Variants in MYO5A observed in about 807,000 individuals in gnomAD.
The protein encoded by MYO5A is myosin VA, also known as unconventional myosin-Va.
MYO5A carries 98 observed loss-of-function variants against 249.7 expected under a neutral mutation model. The ratio of observed to expected loss-of-function variants is 0.39; its 90% CI spans 0.33 to 0.46. MYO5A has a LOEUF of 0.46. MYO5A is among the 20% of genes least tolerant of loss of function. The pLI, the probability that MYO5A is intolerant of heterozygous loss-of-function variation, is 0.98. For missense variants in MYO5A, 1,696 were observed against 2,308.8 expected (o/e 0.73, Z 5.44); for synonymous variants, 778 against 810.6 (o/e 0.96, Z 0.68).
At chr15:52,517,517 T>C (rs1485173008) in intron 1 of MYO5A, among the ~76,000 whole-genome samples, 1 of 152,168 alleles carries the variant, frequency 6.6e-6, no homozygotes, top group Non-Finnish European at 1.5e-5. Flanking sequence ...AAATCCCGTC[T>C]CTACTAAAAG....
chr15:52,323,986 G>C, intron 36 of MYO5A: 1 of 98,926 alleles, frequency 1.0e-5, no homozygotes. Context: ...CCTAGAGACA[G>C]AACGAGACTC....
intron 1 of MYO5A, among the ~76,000 whole-genome samples, chr15:52,478,880 T>C (rs1033206002): frequency 2.0e-5 from 3 of 152,228 alleles, no homozygotes; most frequent in African/African-American, 7.2e-5. Flanking sequence ...AGTAAAACTG[T>C]AGTACTATGT....
At chr15:52,487,338 G>A (rs573971928) in intron 1 of MYO5A, among the ~76,000 whole-genome samples, 5 of 151,910 alleles carry the variant, frequency 3.3e-5, no homozygotes, top group African/African-American at 1.2e-4. Flanking sequence ...ATTGCTTGAG[G>A]ACAGGAGGTC....
chr15:52,384,062 C>T lies in MYO5A; in HGVS notation c.1914+99G>A, dbSNP rs1596382782. On this transcript the variant is annotated intron_variant, in intron 15 of 41. Transcript: ENST00000399233. ...CACAGTGAAAGCTCTAGGCTCTCCTCACCTGAGGATCCCACCTGGGAGGCT... is the reference window on the plus strand; with the variant it reads ...CACAGTGAAAGCTCTAGGCTCTCCTTACCTGAGGATCCCACCTGGGAGGCT... 4 of 1,465,622 alleles carry T rather than the reference C, an allele frequency of 2.7e-6. No homozygotes were observed. In the East Asian group the frequency reaches 9.1e-5, roughly 33 times the overall value. 90.8% of individuals were successfully genotyped at this position (1,465,622 alleles called of 1,614,324 possible). A position where few individuals can be genotyped will look rare whatever the true frequency, so the allele number is the denominator to read the frequency against.
intron 32 of MYO5A, 97 bp downstream of exon 32, chr15:52,340,099 T>G (rs577673509): frequency 1.5e-6 from 2 of 1,354,526 alleles, no homozygotes; most frequent in Admixed American, 3.8e-5. Context: ...GAGGGGTGAG[T>G]TTTTCCCAGC....
intron 10 of MYO5A, among the ~76,000 whole-genome samples, chr15:52,396,711 A>C (rs1053681375): frequency 6.6e-6 from 1 of 152,202 alleles, no homozygotes; most frequent in African/African-American, 2.4e-5. Flanking sequence ...GAATTATAAT[A>C]AAGCCATTGC....
In MYO5A at chr15:52,389,236, A is replaced by C; in HGVS notation, c.1668+2T>G. The C allele has an allele frequency of 1.9e-6, 3 of 1,612,792 alleles. No homozygotes were observed. The highest frequency in any genetic ancestry group is 2.5e-6 in the Non-Finnish European group (3 of 1,179,012). The stretch of plus-strand genomic sequence containing the variant: ...AGAAAAACTGATATAAAGCTTCCTT[A>C]CTTTGTCAGCAAAATGTTGGATGAT... On this transcript the variant is annotated splice_donor_variant, in intron 13 of 41. Coordinates refer to ENST00000399233, the MANE Select transcript of MYO5A (RefSeq NM_001382347.1). LOFTEE classifies it high-confidence loss of function.
rs550339097 is a variant in MYO5A, at chr15:52,528,867, C to A, written c.-61G>T. The A allele has an allele frequency of 3.9e-4, 558 of 1,414,630 alleles. 3 individuals are homozygous for A. In the African/African-American group the frequency reaches 7.7e-3, roughly 20 times the overall value. 87.6% of individuals were successfully genotyped at this position (1,414,630 alleles called of 1,614,324 possible). On this transcript the variant is annotated 5_prime_UTR_variant, in exon 1 of 42. Transcript: ENST00000399233. ...GGAGGCCGCACCTCGCCTGGGCGGC[C>A]GCCCGAGCGGACTAGGAAGCGCCCG...
intron 9 of MYO5A, among the ~76,000 whole-genome samples, chr15:52,398,141 A>T (rs1338885251): frequency 1.3e-5 from 2 of 152,228 alleles, no homozygotes; most frequent in African/African-American, 4.8e-5. Context: ...AGAAACAGAC[A>T]GAGGCTATAT....
chr15:52,388,733 C>T (rs1280430270), intron 13 of MYO5A, among the ~76,000 whole-genome samples: 1 of 152,108 alleles, frequency 6.6e-6, no homozygotes, highest in Non-Finnish European at 1.5e-5. Flanking sequence ...CAGAGGGTGA[C>T]ACAAGTCCAC....
intron 37 of MYO5A, among the ~76,000 whole-genome samples, chr15:52,322,765 C>T (rs1372799732): frequency 1.4e-5 from 2 of 144,506 alleles, no homozygotes; most frequent in African/African-American, 5.1e-5. Context: ...TTTGATCACC[C>T]TTTTTTTTTT....
At chr15:52,485,561 T>C (rs2076802953) in intron 1 of MYO5A, among the ~76,000 whole-genome samples, 1 of 152,070 alleles carries the variant, frequency 6.6e-6, no homozygotes, top group Non-Finnish European at 1.5e-5. Context: ...TAAAATGAAA[T>C]AAAAACATGA....
intron 22 of MYO5A, 130 bp from the exon 23 acceptor site, chr15:52,367,254 T>C: frequency 1.3e-6 from 1 of 799,708 alleles, no homozygotes. Flanking sequence ...CCTGGTTATG[T>C]CTAGTCACCT....
chr15:52,388,301 TG>T lies in MYO5A; in HGVS notation c.1669-390del, dbSNP rs200090395. Among the ~76,000 whole-genome samples the T allele has an allele frequency of 1.3e-4, 20 of 152,082 alleles. No individual in the cohort carries two copies. In the East Asian group the frequency reaches 3.7e-3, roughly 28 times the overall value. ...CTCTTAGAAGAGATTACAGCAGGAGTGAGAATCAGAAGGAACAAATGAGTGT... is the reference window on the plus strand; with the variant it reads ...CTCTTAGAAGAGATTACAGCAGGAGTAGAATCAGAAGGAACAAATGAGTGT... On this transcript the variant is annotated intron_variant, in intron 13 of 41. Coordinates refer to ENST00000399233, the MANE Select transcript of MYO5A (RefSeq NM_001382347.1).
intron 30 of MYO5A, 89 bp downstream of exon 30, chr15:52,346,272 T>C (rs898864671): frequency 2.5e-6 from 2 of 786,428 alleles, no homozygotes; most frequent in African/African-American, 1.7e-5. Context: ...TAAAGGAATG[T>C]ATGAACACTT....
chr15:52,519,440 C>CT (rs2077566305), intron 1 of MYO5A, among the ~76,000 whole-genome samples: 1 of 151,980 alleles, frequency 6.6e-6, no homozygotes, highest in Non-Finnish European at 1.5e-5. Flanking sequence ...AAGTGAGACT[C>CT]TGTCTCTACA....
rs536312815 is a variant in MYO5A at position 52,389,130 on chromosome 15, C to T, written c.1668+108G>A. On this transcript the variant is annotated intron_variant, in intron 13 of 41. Transcript: ENST00000399233. ...ACTGAAGACTGCTGTCCCTTGAGCC[C>T]TAAAGAATGCAAACATCAGCAAAAG... The T allele has an allele frequency of 7.4e-6, 9 of 1,214,644 alleles. No individual in the cohort carries two copies. The African/African-American group carries it at 1.4e-4, about 19-fold the overall frequency. 75.2% of individuals were successfully genotyped at this position (1,214,644 alleles called of 1,614,324 possible). A position where few individuals can be genotyped will look rare whatever the true frequency, so the allele number is the denominator to read the frequency against.
Position 52,335,211 on chromosome 15 carries a change from T to C in MYO5A, c.4408+1252A>G, listed in dbSNP as rs542704859. ...CAAAATCCCTTAAGCAGTGAGAACA[T>C]TGAAATAAGCTTAAAATTTGGCTTT... On this transcript the variant is annotated intron_variant, in intron 34 of 41. Transcript: ENST00000399233. 8.5e-5 allele frequency among the ~76,000 whole-genome samples: 13 copies of C among 152,200 alleles called. No individual in the cohort carries two copies. In the South Asian group the frequency reaches 1.5e-3, roughly 17 times the overall value.
chr15:52,382,177 C>T (rs537041316), intron 16 of MYO5A, among the ~76,000 whole-genome samples: 7 of 152,348 alleles, frequency 4.6e-5, no homozygotes, highest in Non-Finnish European at 1.0e-4. Flanking sequence ...GCTGGGATTA[C>T]AGGTGTGAGC....
Sources: allele counts gnomAD v4.1 joint callset (sites outside exome capture counted in the v4.1 genomes callset), GRCh38; gene constraint gnomAD v4.1.1; transcripts MANE v1.5; gene names NCBI Gene and HGNC (gene_info 2026-07-23, HGNC 2026-07-21).